The following RIMBP2 variants were observed in gnomAD, a reference collection of about 807,000 sequenced individuals.
RIMBP2 encodes RIMS binding protein 2.
A neutral mutation model predicts 118.6 loss-of-function variants in RIMBP2; 48 were observed. The observed-to-expected ratio is 0.40, with a 90% CI of 0.32 to 0.51. The LOEUF is 0.51. Ranked by LOEUF, RIMBP2 falls within the 20% of genes least tolerant of loss-of-function variation. RIMBP2 has a pLI of 0.41. For missense variants in RIMBP2, 1,551 were observed against 1,768.3 expected, an observed-to-expected ratio of 0.88 and a Z score of 2.20; for synonymous variants, 762 against 742.9, an observed-to-expected ratio of 1.03 and a Z score of -0.42.
In RIMBP2 at chr12:130,525,617, T is replaced by C. The variant is rs1303133646; in HGVS notation, c.-216-7700A>G. Among the ~76,000 whole-genome samples the C allele has an allele frequency of 6.6e-6, 1 of 151,894 alleles. No homozygotes were observed. Among genetic ancestry groups the C allele is most frequent in the Non-Finnish European group, 1.5e-5 (1 of 67,974 alleles). On this transcript the variant is annotated intron_variant, in intron 2 of 22. Transcript: ENST00000690449. This position sits in a 1 kb window ranked among gnomAD's most constrained non-coding sequence, Gnocchi z 4.4. ...GAGGGTGGTAACGTTCATGGGGGCA[T>C]TGGCAGGTGCAGATGGACACATGGG...
At chr12:130,522,840 T>C (rs1251455858) in intron 2 of RIMBP2, among the ~76,000 whole-genome samples, 1 of 152,080 alleles carries the variant, frequency 6.6e-6, no homozygotes. Context: ...GGTGACTCTA[T>C]TTGGAGATGG....
chr12:130,614,713 A>G (rs1422428185), intron 2 of RIMBP2, among the ~76,000 whole-genome samples: 2 of 152,174 alleles, frequency 1.3e-5, no homozygotes, highest in Non-Finnish European at 2.9e-5. Flanking sequence ...ATGGTGGTCA[A>G]AGAAAATTGT....
chr12:130,520,434 G>A (rs2051961261), intron 2 of RIMBP2, among the ~76,000 whole-genome samples: 1 of 151,988 alleles, frequency 6.6e-6, no homozygotes, highest in Non-Finnish European at 1.5e-5. Context: ...GAAAGCCAAG[G>A]AGGGCAGATC....
intron 1 of RIMBP2, among the ~76,000 whole-genome samples, chr12:130,662,812 T>C (rs1376698744): frequency 6.6e-6 from 1 of 151,932 alleles, no homozygotes; most frequent in Non-Finnish European, 1.5e-5. Context: ...AAAAAATAGC[T>C]GGGTGTGGCG....
rs1207779293 is a variant in RIMBP2 at position 130,469,318 on chromosome 12, A to G, written c.153+1375T>C. On this transcript the variant is annotated intron_variant, in intron 6 of 22. Coordinates refer to ENST00000690449, the MANE Select transcript of RIMBP2 (RefSeq NM_001393629.1). This position sits in a 1 kb window ranked among gnomAD's most constrained non-coding sequence, Gnocchi z 4.8. ...TTTGAAAGCATGCACCACCAGCAGC[A>G]CGGGGTGACAGGTGACAGCGGGATC... is the stretch of plus-strand genomic sequence containing the variant. The G allele has an allele frequency of 6.6e-6, 1 of 152,392 alleles. No individual in the cohort carries two copies. Among genetic ancestry groups the G allele is most frequent in the Non-Finnish European group, 1.5e-5 (1 of 68,048 alleles). 9.4% of individuals were successfully genotyped at this position (152,392 alleles called of 1,614,324 possible).
chr12:130,572,407 G>A (rs894598270), intron 2 of RIMBP2, among the ~76,000 whole-genome samples: 1 of 152,080 alleles, frequency 6.6e-6, no homozygotes, highest in Non-Finnish European at 1.5e-5. Flanking sequence ...TTCCCGGCTC[G>A]CATGAGCATC....
chr12:130,404,717 A>G (rs1447268681), intron 21 of RIMBP2, among the ~76,000 whole-genome samples: 1 of 152,228 alleles, frequency 6.6e-6, no homozygotes, highest in East Asian at 1.9e-4. Context: ...ATTGAAAGAC[A>G]ATATTATGTC....
chr12:130,542,282 C>T (rs1462612386), intron 2 of RIMBP2, among the ~76,000 whole-genome samples: 1 of 152,154 alleles, frequency 6.6e-6, no homozygotes, highest in African/African-American at 2.4e-5. Flanking sequence ...GGAGAAGCAG[C>T]AGGAAGTGAC....
At chr12:130,546,987 A>G (rs1180093213) in intron 2 of RIMBP2, among the ~76,000 whole-genome samples, 2 of 152,118 alleles carry the variant, frequency 1.3e-5, no homozygotes, top group African/African-American at 4.8e-5. Flanking sequence ...TCATCTCCCC[A>G]GTGCTGGGGA....
At chr12:130,640,786 CA>C (rs1352324451) in intron 1 of RIMBP2, among the ~76,000 whole-genome samples, 1 of 152,122 alleles carries the variant, frequency 6.6e-6, no homozygotes, top group African/African-American at 2.4e-5. Flanking sequence ...CCTCCTGTGC[CA>C]CCCCCTAAGT....
Position 130,533,827 on chromosome 12 carries a change from C to A in RIMBP2, c.-216-15910G>T, listed in dbSNP as rs537556588. On this transcript the variant is annotated intron_variant, in intron 2 of 22. Coordinates refer to ENST00000690449, the MANE Select transcript of RIMBP2 (RefSeq NM_001393629.1). Reference sequence around the variant, plus strand: ...CAGAAAGTCAAATACTGCATGTTCTCAGTCACAAGTAGGAGCTAAACAGTG... The same window carrying A: ...CAGAAAGTCAAATACTGCATGTTCTAAGTCACAAGTAGGAGCTAAACAGTG... 5.0e-4 allele frequency among the ~76,000 whole-genome samples: 76 copies of A among 152,274 alleles called. 1 individual carries two copies. Among genetic ancestry groups the A allele is most frequent in the African/African-American group, 1.7e-3 (69 of 41,556 alleles).
chr12:130,463,816 T>C (rs893084315), intron 6 of RIMBP2, among the ~76,000 whole-genome samples: 5 of 150,958 alleles, frequency 3.3e-5, no homozygotes, highest in African/African-American at 1.2e-4. Context: ...AGATAGGAGC[T>C]CAGCACAAGA....
chr12:130,440,398 G>A (rs1044917789), intron 11 of RIMBP2, among the ~76,000 whole-genome samples: 3 of 152,236 alleles, frequency 2.0e-5, no homozygotes, highest in Non-Finnish European at 2.9e-5. Context: ...ACACAGACAC[G>A]TCCCTCCAGT....
At chr12:130,616,727 T>TG (rs1437912799) in intron 2 of RIMBP2, among the ~76,000 whole-genome samples, 2 of 152,164 alleles carry the variant, frequency 1.3e-5, no homozygotes, top group African/African-American at 2.4e-5. Context: ...TGTCCCAAGA[T>TG]GGGGTCAGCA....
rs760261707 is a variant in RIMBP2, at chr12:130,422,442, G to A, written c.3238+11C>T. 5.1e-6 allele frequency: 8 copies of A among 1,580,590 alleles called. No individual in the cohort carries two copies. Among genetic ancestry groups the A allele is most frequent in the Non-Finnish European group, 6.9e-6 (8 of 1,151,410 alleles). ...GCTGAAAGACACAACAGCGATGATGGGGCCACTAACCGATGGATGGGACTG... is the reference window on the plus strand; with the variant it reads ...GCTGAAAGACACAACAGCGATGATGAGGCCACTAACCGATGGATGGGACTG... On this transcript the variant is annotated intron_variant, in intron 17 of 22. Transcript: ENST00000690449. This position sits in a 1 kb window ranked among gnomAD's most constrained non-coding sequence, Gnocchi z 5.2.
Position 130,422,658 on chromosome 12 carries a change from T to A in RIMBP2, c.3130-97A>T. ...CAAGCGGGTTGAAAAGCAGAATCTGTAAAGGCAACTAAACTTAGCTTTTAA... is the reference window on the plus strand; with the variant it reads ...CAAGCGGGTTGAAAAGCAGAATCTGAAAAGGCAACTAAACTTAGCTTTTAA... On this transcript the variant is annotated intron_variant, in intron 16 of 22. Transcript: ENST00000690449. The surrounding 1 kb of genome is among the most constrained non-coding windows in gnomAD (Gnocchi z 5.2). 1.2e-6 allele frequency: 1 copy of A among 815,172 alleles called. No homozygotes were observed. Among genetic ancestry groups the A allele is most frequent in the Non-Finnish European group, 2.0e-6 (1 of 502,060 alleles). The allele number at this position is 815,172 out of a possible 1,614,324, so 50.5% of individuals were successfully genotyped here.
chr12:130,586,072 T>C (rs2058862422), intron 2 of RIMBP2, among the ~76,000 whole-genome samples: 1 of 152,240 alleles, frequency 6.6e-6, no homozygotes, highest in African/African-American at 2.4e-5. Flanking sequence ...ACAGGCACTT[T>C]CTGTGATTAA....
intron 21 of RIMBP2, among the ~76,000 whole-genome samples, chr12:130,401,054 A>ACTGT (rs1257723367): frequency 6.6e-6 from 1 of 152,200 alleles, no homozygotes; most frequent in African/African-American, 2.4e-5. Flanking sequence ...GATGGTGGTG[A>ACTGT]TTGTTTGCAC....
At chr12:130,698,033 A>G (rs2065657677) in intron 1 of RIMBP2, among the ~76,000 whole-genome samples, 1 of 152,078 alleles carries the variant, frequency 6.6e-6, no homozygotes, top group African/African-American at 2.4e-5. Context: ...GGGCGTGGAG[A>G]GGGACAGCCT....
Sources: allele counts gnomAD v4.1 joint callset (sites outside exome capture counted in the v4.1 genomes callset), GRCh38; gene constraint gnomAD v4.1.1; non-coding constraint Gnocchi (gnomAD v3.1); transcripts MANE v1.5; gene names NCBI Gene and HGNC (gene_info 2026-07-23, HGNC 2026-07-21).